Variants in OTOG observed in about 807,000 individuals in gnomAD.
OTOG encodes the protein otogelin.
In OTOG, 296 loss-of-function variants were observed where a neutral mutation model predicts 313.8. That is an observed-to-expected ratio of 0.94 (90% confidence interval 0.86 to 1.04). The LOEUF is 1.04. Among genes scored for constraint, OTOG ranks in the 50% least tolerant of loss-of-function variants. The pLI is 0.00. For synonymous variants in OTOG, 1,533 were observed against 1,554.9 expected, an observed-to-expected ratio of 0.99 and a Z score of 0.33; for missense variants, 3,948 against 3,840.1, an observed-to-expected ratio of 1.03 and a Z score of -0.74.
At position 17,642,266 on chromosome 11, in the gene OTOG, C is replaced by A. The variant is rs1287176344; in HGVS notation, c.8415+20C>A. 6.5e-7 allele frequency: 1 copy of A among 1,542,678 alleles called. No homozygotes were observed. Among genetic ancestry groups the A allele is most frequent in the East Asian group, 2.5e-5 (1 of 40,748 alleles). On this transcript the variant is annotated intron_variant, in intron 53 of 55. Coordinates refer to ENST00000399397, the MANE Select transcript of OTOG (RefSeq NM_001292063.2). ...GCCAAGGTCAGTGCCTCCTTCTCCA[C>A]TGAGGCTGTAGGCCAGGGGCATCAG...
At chr11:17,638,638 A>G in intron 48 of OTOG, 89 bp downstream of exon 48, 1 of 1,482,706 alleles carries the variant, frequency 6.7e-7, no homozygotes, top group Admixed American at 2.0e-5. Context: ...ACCACCGTCC[A>G]CTCCTCTCAG....
At chr11:17,556,676 G>A (rs1358263372) in intron 7 of OTOG, among the ~76,000 whole-genome samples, 1 of 152,176 alleles carries the variant, frequency 6.6e-6, no homozygotes, top group South Asian at 2.1e-4. Context: ...CTGGGTTCAA[G>A]GTTGCCAAAT....
chr11:17,603,292 C>T (rs1349411311), intron 32 of OTOG, among the ~76,000 whole-genome samples: 1 of 152,168 alleles, frequency 6.6e-6, no homozygotes, highest in South Asian at 2.1e-4. Context: ...GCACTTCCTC[C>T]CTAAACATTT....
At chr11:17,608,533 G>A (rs974437357) in intron 34 of OTOG, 120 bp downstream of exon 34, 22 of 657,878 alleles carry the variant, frequency 3.3e-5, no homozygotes, top group East Asian at 2.2e-4. Context: ...TGTGTACCAC[G>A]GTAACTGTGT....
chr11:17,584,197 T>G (rs1227509575), intron 23 of OTOG, among the ~76,000 whole-genome samples: 6 of 152,226 alleles, frequency 3.9e-5, no homozygotes, highest in African/African-American at 1.4e-4. Context: ...CTAGTGGCTT[T>G]TCTTTGGGTA....
chr11:17,629,713 A>T (rs141157614), intron 40 of OTOG, among the ~76,000 whole-genome samples: 1 of 152,322 alleles, frequency 6.6e-6, no homozygotes, highest in Non-Finnish European at 1.5e-5. Flanking sequence ...CTAAAGAAGA[A>T]AGGGGGCTCA....
rs1203100649 is a variant in OTOG, at chr11:17,558,192, G to C, written c.873G>C (p.Leu291=). The C allele has an allele frequency of 2.6e-6, 4 of 1,550,448 alleles. No individual in the cohort carries two copies. In the East Asian group the frequency reaches 9.8e-5, roughly 38 times the overall value. Residue 291 remains leucine (L), a synonymous_variant, in exon 9 of 56, where the codon CTG becomes CTC. Transcript: ENST00000399397. ...GTCAGCTCCCTCCTCCAGGGAAGCT[G>C]ACTGACGACGTGGTTGAGTTTGTGC... ...KDDLVTSSGK[L]TDDVVEFVHS...
Position 17,548,418 on chromosome 11 carries a change from CTTTTTTTTTTTTTTTT to C in OTOG, c.216+229_216+244del, listed in dbSNP as rs56402246. Among the ~76,000 whole-genome samples, 6,435 of 87,248 alleles carry C rather than the reference CTTTTTTTTTTTTTTTT, an allele frequency of 0.074. 289 individuals are homozygous for C. The highest frequency in any genetic ancestry group is 0.19 in the South Asian group (416 of 2,232). 57.2% of individuals were successfully genotyped at this position (87,248 alleles called of 152,430 possible). A position where few individuals can be genotyped will look rare whatever the true frequency, so the allele number is the denominator to read the frequency against. On this transcript the variant is annotated intron_variant, in intron 3 of 55. Transcript: ENST00000399397. ...ATCTCTTGGGGGTCTATAGTCCACT[CTTTTTTTTTTTTTTTT>C]TTTTTTTTTTTTTTTTTTTTTTAGG...
intron 39 of OTOG, among the ~76,000 whole-genome samples, chr11:17,628,812 A>G (rs917036677): frequency 1.3e-5 from 2 of 152,270 alleles, no homozygotes; most frequent in Admixed American, 6.5e-5. Flanking sequence ...GAACAGAATC[A>G]GGAAAGAAGA....
At chr11:17,619,964 T>A (rs1028806786) in intron 39 of OTOG, among the ~76,000 whole-genome samples, 2 of 152,198 alleles carry the variant, frequency 1.3e-5, no homozygotes, top group Non-Finnish European at 2.9e-5. Context: ...CTTTTGTTTG[T>A]CAGAAAAAGT....
In OTOG at chr11:17,555,861, T is replaced by C. The variant is rs1852047992; in HGVS notation, c.623T>C (p.Ile208Thr). ...CTCTTCTTTGTGGGTGAGCAGGAGA[T>C]CCATCTGGCCAAGGAGGTCACCCAT... ...VSLFFVGEQE[I>T]HLAKEVTHGG... Residue 208 changes from isoleucine to threonine, a missense_variant, in exon 7 of 56, where the codon ATC (isoleucine) becomes ACC (threonine). Transcript: ENST00000399397. 6 of 1,550,920 alleles carry C rather than the reference T, an allele frequency of 3.9e-6. No homozygotes were observed. The highest frequency in any genetic ancestry group is 5.2e-6 in the Non-Finnish European group (6 of 1,147,100).
intron 39 of OTOG, among the ~76,000 whole-genome samples, chr11:17,624,251 G>A (rs1853930615): frequency 6.6e-6 from 1 of 152,144 alleles, no homozygotes; most frequent in South Asian, 2.1e-4. Context: ...GAATGGTATT[G>A]CCTAGGTTAT....
intron 39 of OTOG, among the ~76,000 whole-genome samples, chr11:17,621,130 G>A (rs1463057307): frequency 4.6e-5 from 7 of 151,942 alleles, no homozygotes; most frequent in African/African-American, 1.2e-4. Context: ...CTGCTTCTTT[G>A]CATGCCTGAC....
chr11:17,577,705 C>T (rs1760888584), intron 22 of OTOG, among the ~76,000 whole-genome samples: 3 of 152,114 alleles, frequency 2.0e-5, no homozygotes, highest in South Asian at 2.1e-4. Flanking sequence ...GGATTTCTGG[C>T]TCTTTGGGAC....
intron 39 of OTOG, among the ~76,000 whole-genome samples, chr11:17,625,187 T>C (rs1474604980): frequency 3.3e-5 from 5 of 152,204 alleles, no homozygotes; most frequent in African/African-American, 7.2e-5. Flanking sequence ...GGACTTCCAA[T>C]ACTATGTTGA....
chr11:17,562,046 A>AAAAAATATATAT (rs1440986349), intron 15 of OTOG, among the ~76,000 whole-genome samples: 1 of 139,830 alleles, frequency 7.2e-6, no homozygotes, highest in South Asian at 2.2e-4. Flanking sequence ...CTAAAAAAAA[A>AAAAAATATATAT]ATATATATAT....
At chr11:17,564,271 C>T (rs947983613) in intron 15 of OTOG, among the ~76,000 whole-genome samples, 3 of 152,152 alleles carry the variant, frequency 2.0e-5, no homozygotes, top group African/African-American at 7.2e-5. Flanking sequence ...CCTCAGACAG[C>T]TTCCATACAG....
chr11:17,637,230 T>C (rs1310708350), intron 47 of OTOG, among the ~76,000 whole-genome samples: 1 of 152,004 alleles, frequency 6.6e-6, no homozygotes, highest in Non-Finnish European at 1.5e-5. Context: ...GACATACTCT[T>C]TTTTTTTAAA....
chr11:17,559,688 C>A, intron 12 of OTOG, 26 bp downstream of exon 12: 10 of 1,544,494 alleles, frequency 6.5e-6, no homozygotes, highest in Non-Finnish European at 8.7e-6. Context: ...ACGTAGGTGC[C>A]TGGCACCATC....
Sources: gnomAD v4.1 joint callset for allele counts (sites outside exome capture counted in the v4.1 genomes callset) on GRCh38, gnomAD v4.1.1 for gene constraint, MANE v1.5 for transcripts, NCBI Gene and HGNC (gene_info 2026-07-23, HGNC 2026-07-21) for gene names.